The following SNTB1 variants were observed in gnomAD, a reference collection of about 807,000 sequenced individuals.
The protein encoded by SNTB1 is syntrophin beta 1.
In SNTB1, 36 loss-of-function variants were observed where a neutral mutation model predicts 48.9. The ratio of observed to expected loss-of-function variants is 0.74; its 90% CI spans 0.56 to 0.97. The LOEUF is 0.97. Ranked by LOEUF, SNTB1 falls within the 50% of genes least tolerant of loss-of-function variation. The pLI is 0.00. For missense variants in SNTB1, 786 were observed against 703.4 expected (o/e 1.12, Z -1.33); for synonymous variants, 299 against 294.6 (o/e 1.01, Z -0.15).
At chr8:120,635,826 T>G (rs1462803024) in intron 2 of SNTB1, 1 of 314,814 alleles carries the variant, frequency 3.2e-6, no homozygotes, top group African/African-American at 2.3e-5. Flanking sequence ...CATATGTACT[T>G]CCTTATTCTT....
intron 1 of SNTB1, among the ~76,000 whole-genome samples, chr8:120,790,789 CG>C (rs1820016258): frequency 6.6e-6 from 1 of 151,850 alleles, no homozygotes; most frequent in Non-Finnish European, 1.5e-5. Context: ...TTGGAAGAAT[CG>C]GTATCATGAA....
intron 3 of SNTB1, among the ~76,000 whole-genome samples, chr8:120,629,485 A>G (rs774129509): frequency 3.8e-4 from 58 of 152,236 alleles, no homozygotes; most frequent in Non-Finnish European, 6.8e-4. Flanking sequence ...TTTAAGATCA[A>G]TTACAGCTAG....
At chr8:120,792,050 C>T (rs1342563908) in intron 1 of SNTB1, among the ~76,000 whole-genome samples, 1 of 151,632 alleles carries the variant, frequency 6.6e-6, no homozygotes, top group Non-Finnish European at 1.5e-5. Flanking sequence ...GACTGAAATG[C>T]TCATCAACCG....
intron 1 of SNTB1, among the ~76,000 whole-genome samples, chr8:120,809,642 A>G (rs1820394019): frequency 1.3e-5 from 2 of 152,136 alleles, no homozygotes; most frequent in African/African-American, 4.8e-5. Context: ...ATTTACAGTA[A>G]GTATTGCAAA....
chr8:120,756,230 T>C (rs894247204), intron 1 of SNTB1, among the ~76,000 whole-genome samples: 4 of 152,192 alleles, frequency 2.6e-5, no homozygotes, highest in Non-Finnish European at 4.4e-5. Flanking sequence ...AAAGCATCTA[T>C]TTATATTTGT....
rs751464905 is a variant in SNTB1 at position 120,548,952 on chromosome 8, G to A, written c.1143C>T (p.Val381=). ...HTYPLLATRL[V]HSGPGKGSPQ... Reference sequence around the variant, plus strand: ...GTGATCCCTTTCCTGGACCTGAATGGACCAGCCTGGAGAGAGAGAGAGAGA... The same window carrying A: ...GTGATCCCTTTCCTGGACCTGAATGAACCAGCCTGGAGAGAGAGAGAGAGA... The change falls in exon 5 of 7, where the codon GTC becomes GTT. Residue 381 remains valine (V), a synonymous_variant. Transcript: ENST00000517992. 4 of 1,578,776 alleles carry A rather than the reference G, an allele frequency of 2.5e-6. No individual in the cohort carries two copies. Among genetic ancestry groups the A allele is most frequent in the Non-Finnish European group, 3.4e-6 (4 of 1,164,112 alleles).
chr8:120,793,226 G>T (rs1469697938), intron 1 of SNTB1, among the ~76,000 whole-genome samples: 2 of 152,010 alleles, frequency 1.3e-5, no homozygotes, highest in Non-Finnish European at 2.9e-5. Context: ...TAAGGAGAGG[G>T]TGGGGGAAAG....
At chr8:120,572,901 G>A (rs1815882298) in intron 4 of SNTB1, among the ~76,000 whole-genome samples, 1 of 152,168 alleles carries the variant, frequency 6.6e-6, no homozygotes, top group Non-Finnish European at 1.5e-5. Context: ...GGTGACAAGA[G>A]TGAAACTCTG....
intron 2 of SNTB1, among the ~76,000 whole-genome samples, chr8:120,642,579 A>G (rs184404198): frequency 1.1e-4 from 17 of 152,288 alleles, no homozygotes; most frequent in African/African-American, 3.4e-4. Context: ...TATGTTAGTT[A>G]TGGACTACTG....
intron 1 of SNTB1, among the ~76,000 whole-genome samples, chr8:120,810,697 A>C (rs569554161): frequency 3.9e-5 from 6 of 152,244 alleles, no homozygotes; most frequent in African/African-American, 1.4e-4. Flanking sequence ...CCCCATTTGC[A>C]GGGGGAACGT....
intron 2 of SNTB1, among the ~76,000 whole-genome samples, chr8:120,656,607 G>A (rs1817507606): frequency 1.3e-5 from 2 of 152,156 alleles, no homozygotes; most frequent in Admixed American, 1.3e-4. Flanking sequence ...GCAAATAAAT[G>A]TGCATTTGTC....
intron 2 of SNTB1, among the ~76,000 whole-genome samples, chr8:120,676,061 T>C (rs1817828299): frequency 6.6e-6 from 1 of 152,230 alleles, no homozygotes; most frequent in Non-Finnish European, 1.5e-5. Context: ...TATTGTTATA[T>C]ACATAAGTTC....
intron 5 of SNTB1, among the ~76,000 whole-genome samples, chr8:120,543,767 C>T (rs971530426): frequency 1.3e-5 from 2 of 152,122 alleles, no homozygotes; most frequent in Non-Finnish European, 2.9e-5. Flanking sequence ...AACATATGCC[C>T]CTTCTCCAGA....
rs1042922351 is a variant in SNTB1 at position 120,592,184 on chromosome 8, A to T, written c.997-16959T>A. Among the ~76,000 whole-genome samples, 8 of 149,168 alleles carry T rather than the reference A, an allele frequency of 5.4e-5. No individual in the cohort carries two copies. In the South Asian group the frequency reaches 1.5e-3, roughly 28 times the overall value. On this transcript the variant is annotated intron_variant, in intron 3 of 6. Transcript: ENST00000517992. ...GTCCAATTTCAAGCTAATAAGCAGA[A>T]TTTTTTTTTTTCCAAGAGAGAGGGC...
intron 1 of SNTB1, among the ~76,000 whole-genome samples, chr8:120,779,875 T>A (rs138234816): frequency 6.6e-6 from 1 of 152,126 alleles, no homozygotes; most frequent in African/African-American, 2.4e-5. Context: ...ATGCCTGAAG[T>A]TCGGGATAGA....
chr8:120,641,722 G>A (rs890164191), intron 2 of SNTB1, among the ~76,000 whole-genome samples: 5 of 152,126 alleles, frequency 3.3e-5, no homozygotes, highest in Non-Finnish European at 4.4e-5. Flanking sequence ...GAATATATTC[G>A]TGTCACTGTC....
chr8:120,712,557 G>T (rs1015920966), intron 1 of SNTB1, among the ~76,000 whole-genome samples: 2 of 152,096 alleles, frequency 1.3e-5, no homozygotes, highest in Admixed American at 6.5e-5. Context: ...AATTTTATAT[G>T]CATTTTTTAT....
At chr8:120,571,467 TGAC>T (rs1482172110) in intron 4 of SNTB1, 1 of 424,930 alleles carries the variant, frequency 2.4e-6, no homozygotes, top group Non-Finnish European at 4.2e-6. Context: ...GTTTACATTC[TGAC>T]TATTGAGGGT....
At chr8:120,750,863 G>A (rs1819201441) in intron 1 of SNTB1, among the ~76,000 whole-genome samples, 1 of 152,030 alleles carries the variant, frequency 6.6e-6, no homozygotes, top group African/African-American at 2.4e-5. Flanking sequence ...TTTAAGTATG[G>A]GGAAAAGCTC....
Sources: gnomAD v4.1 joint callset for allele counts (sites outside exome capture counted in the v4.1 genomes callset) on GRCh38, gnomAD v4.1.1 for gene constraint, MANE v1.5 for transcripts, NCBI Gene and HGNC (gene_info 2026-07-23, HGNC 2026-07-21) for gene names.